PIK3C3: variants seen among roughly 807,000 people sequenced by gnomAD.
PIK3C3 encodes the protein phosphatidylinositol 3-kinase catalytic subunit type 3.
Under a neutral mutation model 126.1 loss-of-function variants are expected in PIK3C3, and 95 were observed. The observed-to-expected ratio is 0.75, with a 90% CI of 0.64 to 0.89. The LOEUF is 0.89. Ranked by LOEUF, PIK3C3 falls within the 40% of genes least tolerant of loss-of-function variation. The pLI, the probability that PIK3C3 is intolerant of heterozygous loss-of-function variation, is 0.00. For synonymous variants in PIK3C3, 374 were observed against 360.0 expected (o/e 1.04, Z -0.44); for missense variants, 829 against 1,063.2 (o/e 0.78, Z 3.06).
chr18:42,057,949 T>A lies in PIK3C3; in HGVS notation c.2330T>A (p.Met777Lys). The change falls in exon 22 of 25, where the codon ATG (methionine) becomes AAG (lysine). Residue 777 changes from methionine to lysine, a missense_variant. Met to Lys is a moderately conservative substitution (Grantham distance 95). Coordinates refer to ENST00000262039, the MANE Select transcript of PIK3C3 (RefSeq NM_002647.4). ...GATCCAAAGCCTCTTCCTCCACCAA[T>A]GAAGCTGAATAAAGAAATGGTAGAA... The part of the protein sequence containing the change: ...GRDPKPLPPP[M>K]KLNKEMVEGM... 1 of 1,613,752 alleles carries A rather than the reference T, an allele frequency of 6.2e-7. No homozygotes were observed. Among genetic ancestry groups the A allele is most frequent in the Non-Finnish European group, 8.5e-7 (1 of 1,179,814 alleles).
chr18:41,988,148 T>C (rs1391400961), intron 5 of PIK3C3, among the ~76,000 whole-genome samples: 1 of 146,372 alleles, frequency 6.8e-6, no homozygotes, highest in East Asian at 1.9e-4. Context: ...GAGTGAAGCC[T>C]ATGCAGACTT....
chr18:41,998,887 G>C (rs1982150018), intron 9 of PIK3C3, among the ~76,000 whole-genome samples: 1 of 152,112 alleles, frequency 6.6e-6, no homozygotes, highest in Non-Finnish European at 1.5e-5. Flanking sequence ...TTTATTTACA[G>C]AAAGAAATTC....
At position 42,043,090 on chromosome 18, in the gene PIK3C3, A is replaced by G. The variant is rs376367059; in HGVS notation, c.2104-643A>G. Among the ~76,000 whole-genome samples the G allele has an allele frequency of 8.6e-5, 13 of 151,944 alleles. No homozygotes were observed. In the East Asian group the frequency reaches 1.5e-3, roughly 18 times the overall value. On this transcript the variant is annotated intron_variant, in intron 19 of 24. Transcript: ENST00000262039. ...CAGGGTATTCAAAAAAGGTGAAAAC[A>G]TAGGATAAACTTTTTTTTTTTTTTT...
intron 24 of PIK3C3, among the ~76,000 whole-genome samples, chr18:42,072,432 G>A (rs1224618747): frequency 6.6e-6 from 1 of 152,068 alleles, no homozygotes; most frequent in Non-Finnish European, 1.5e-5. Context: ...TGCAATATTT[G>A]TTTCCTAGCA....
At chr18:41,962,219 A>G (rs1361201392) in intron 2 of PIK3C3, among the ~76,000 whole-genome samples, 3 of 152,102 alleles carry the variant, frequency 2.0e-5, no homozygotes, top group Non-Finnish European at 4.4e-5. Flanking sequence ...TTTTTTCGCC[A>G]TTATATTATC....
chr18:41,999,557 T>A (rs1233506129), intron 9 of PIK3C3, among the ~76,000 whole-genome samples: 1 of 152,174 alleles, frequency 6.6e-6, no homozygotes, highest in Non-Finnish European at 1.5e-5. Flanking sequence ...GTTCAGCAAG[T>A]ATTCATTATC....
At chr18:42,077,128 G>T (rs1568014402) in intron 24 of PIK3C3, among the ~76,000 whole-genome samples, 2 of 152,324 alleles carry the variant, frequency 1.3e-5, no homozygotes, top group East Asian at 3.9e-4. Context: ...GTAGCATTAT[G>T]TCTTTAAAAA....
Position 41,955,261 on chromosome 18 carries a change from C to T in PIK3C3, c.-31C>T, listed in dbSNP as rs776177139. ...GTTGTTTTTCCTGTACCTAAGTTCC[C>T]GCTGTAGGTGGTACCTTTGCAGACG... On this transcript the variant is annotated 5_prime_UTR_variant, in exon 1 of 25. Transcript: ENST00000262039. 2.5e-6 allele frequency: 4 copies of T among 1,592,516 alleles called. No homozygotes were observed. The highest frequency in any genetic ancestry group is 1.7e-5 in the Admixed American group (1 of 59,076).
Position 42,087,609 on chromosome 18 carries a change from A to G in PIK3C3, c.*6472A>G, listed in dbSNP as rs962487447. On this transcript the variant is annotated 3_prime_UTR_variant, in exon 25 of 25. Transcript: ENST00000262039. ...TTTGGAGCTTCTTTTCATTAAAGAA[A>G]AAAGCCTTACCGAGGACTCCCATAC... is the stretch of plus-strand genomic sequence containing the variant. 2.6e-5 allele frequency: 4 copies of G among 152,234 alleles called. No homozygotes were observed. The highest frequency in any genetic ancestry group is 6.5e-5 in the Admixed American group (1 of 15,284). The allele number at this position is 152,234 out of a possible 1,614,324, so 9.4% of individuals were successfully genotyped here. A position where few individuals can be genotyped will look rare whatever the true frequency, so the allele number is the denominator to read the frequency against.
At chr18:42,029,292 A>G (rs371210987) in intron 14 of PIK3C3, 33 bp from the exon 15 acceptor site, 18 of 1,307,130 alleles carry the variant, frequency 1.4e-5, no homozygotes, top group Non-Finnish European at 1.7e-5. Flanking sequence ...TACGCAACAT[A>G]GAACTAATTT....
intron 3 of PIK3C3, among the ~76,000 whole-genome samples, chr18:41,968,390 T>C (rs1462925141): frequency 1.3e-5 from 2 of 152,182 alleles, no homozygotes; most frequent in Non-Finnish European, 2.9e-5. Flanking sequence ...GAAAGAAAAT[T>C]AACTTTATAA....
chr18:42,049,506 A>G, intron 20 of PIK3C3, 25 bp from the exon 21 acceptor site: 4 of 1,587,132 alleles, frequency 2.5e-6, no homozygotes, highest in East Asian at 2.2e-5. Context: ...TTGTTTTCAC[A>G]TATTTTTTTT....
Position 42,027,277 on chromosome 18 carries a change from CTT to C in PIK3C3, c.1485-164_1485-163del, listed in dbSNP as rs201143144. 3.4e-3 allele frequency: 1,298 copies of C among 379,824 alleles called. 57 individuals are homozygous for C. The Admixed American group carries it at 0.055, about 16-fold the overall frequency. 23.5% of individuals were successfully genotyped at this position (379,824 alleles called of 1,614,324 possible). ...TTTATTGATGGTTGTATGTGTTCCT[CTT>C]TAAGTTTTCACTTTTAAAAGTGATG... On this transcript the variant is annotated intron_variant, in intron 13 of 24. Coordinates refer to ENST00000262039, the MANE Select transcript of PIK3C3 (RefSeq NM_002647.4).
chr18:42,044,366 A>G (rs1369997678), intron 20 of PIK3C3, among the ~76,000 whole-genome samples: 1 of 143,110 alleles, frequency 7.0e-6, no homozygotes, highest in Non-Finnish European at 1.5e-5. Flanking sequence ...GTTATATTCT[A>G]CAGGATTTTT....
At chr18:41,986,087 A>G (rs1358791934) in intron 4 of PIK3C3, among the ~76,000 whole-genome samples, 1 of 152,146 alleles carries the variant, frequency 6.6e-6, no homozygotes, top group East Asian at 1.9e-4. Flanking sequence ...TAGAGAGGAT[A>G]GCAGACTGGT....
Position 41,962,512 on chromosome 18 carries a change from C to G in PIK3C3, c.281C>G (p.Pro94Arg). Residue 94 changes from proline to arginine, a missense_variant, in exon 3 of 25, where the codon CCA becomes CGA. Physicochemically the swap from Pro to Arg is moderately radical, Grantham distance 103 (BLOSUM62 -2). Transcript: ENST00000262039. The stretch of plus-strand genomic sequence containing the variant: ...AGCTGGAATGAATGGCTGAAACTAC[C>G]AGTAAAATACCCTGACCTGCCCAGG... ...RWNWNEWLKLPVKYPDLPRNA... is the reference protein window; with the variant it reads ...RWNWNEWLKLRVKYPDLPRNA... The G allele has an allele frequency of 6.2e-7, 1 of 1,609,848 alleles. No homozygotes were observed. Among genetic ancestry groups the G allele is most frequent in the Non-Finnish European group, 8.5e-7 (1 of 1,177,486 alleles).
rs1167272466 is a variant in PIK3C3 at position 42,064,735 on chromosome 18, T to C, written c.2433-5T>C. On this transcript the variant is annotated splice_region_variant and splice_polypyrimidine_tract_variant and intron_variant, in intron 22 of 24. Coordinates refer to ENST00000262039, the MANE Select transcript of PIK3C3 (RefSeq NM_002647.4). ...GCTATTTTTTTCTTTTCTGCTCTTC[T>C]TTAGGTATTCTAATCTGATTTTGAA... 1.3e-6 allele frequency: 2 copies of C among 1,482,532 alleles called. No individual in the cohort carries two copies. Among genetic ancestry groups the C allele is most frequent in the Non-Finnish European group, 1.9e-6 (2 of 1,061,610 alleles). 91.8% of individuals were successfully genotyped at this position (1,482,532 alleles called of 1,614,324 possible). A position where few individuals can be genotyped will look rare whatever the true frequency, so the allele number is the denominator to read the frequency against.
At chr18:42,078,231 G>A (rs1287934459) in intron 24 of PIK3C3, among the ~76,000 whole-genome samples, 1 of 151,370 alleles carries the variant, frequency 6.6e-6, no homozygotes, top group Non-Finnish European at 1.5e-5. Context: ...CAAAAAATTA[G>A]CCGGGTGCGG....
chr18:42,002,392 A>G (rs1982331450), intron 9 of PIK3C3, among the ~76,000 whole-genome samples: 1 of 152,208 alleles, frequency 6.6e-6, no homozygotes, highest in Admixed American at 6.6e-5. Flanking sequence ...ACAAATTAGA[A>G]TGTCCTATCA....
Sources: gnomAD v4.1 joint callset for allele counts (sites outside exome capture counted in the v4.1 genomes callset) on GRCh38, gnomAD v4.1.1 for gene constraint, MANE v1.5 for transcripts, NCBI Gene and HGNC (gene_info 2026-07-23, HGNC 2026-07-21) for gene names.